HS1BP3: variants seen among roughly 807,000 people sequenced by gnomAD.
HS1BP3 encodes the protein HCLS1-binding protein 3.
HS1BP3 carries 32 observed loss-of-function variants against 33.5 expected under a neutral mutation model. The observed-to-expected ratio is 0.95, with a 90% CI of 0.72 to 1.28. The LOEUF (loss-of-function observed/expected upper bound fraction) is 1.28. Among genes scored for constraint, HS1BP3 ranks in the 50% most tolerant of loss-of-function variants. The pLI is 0.00. For synonymous variants in HS1BP3, 187 were observed against 209.2 expected (o/e 0.89, Z 0.92); for missense variants, 486 against 502.3 (o/e 0.97, Z 0.31).
At chr2:20,584,692 C>T (rs889437550) in intron 5 of HS1BP3, among the ~76,000 whole-genome samples, 1 of 152,166 alleles carries the variant, frequency 6.6e-6, no homozygotes, top group Non-Finnish European at 1.5e-5. Context: ...GACATGGATC[C>T]GATTGCACAT....
At chr2:20,615,392 C>T (rs1365736257), downstream of HS1BP3, among the ~76,000 whole-genome samples, 2 of 152,236 alleles carry the variant, frequency 1.3e-5, no homozygotes, top group Admixed American at 6.5e-5. Flanking sequence ...GCTTCCCCAC[C>T]GGCCCCTCAG....
At chr2:20,571,067 A>G (rs1247162355) in intron 5 of HS1BP3, among the ~76,000 whole-genome samples, 1 of 152,206 alleles carries the variant, frequency 6.6e-6, no homozygotes, top group African/African-American at 2.4e-5. Context: ...GGCTTCTGGG[A>G]CAGGGTCCCC....
At chr2:20,589,066 G>C (rs937780758), downstream of HS1BP3, among the ~76,000 whole-genome samples, 2 of 152,218 alleles carry the variant, frequency 1.3e-5, no homozygotes, top group East Asian at 1.9e-4. Context: ...GCATCAAACT[G>C]TCTCTCCTTT....
chr2:20,595,703 GAGA>G (rs1414789774), intron 3 of HS1BP3, among the ~76,000 whole-genome samples: 1 of 152,200 alleles, frequency 6.6e-6, no homozygotes, highest in Non-Finnish European at 1.5e-5. Flanking sequence ...AAATGCAAAT[GAGA>G]CCACAGACAA....
intron 5 of HS1BP3, among the ~76,000 whole-genome samples, chr2:20,585,166 C>A (rs1174390517): frequency 6.6e-6 from 1 of 152,212 alleles, no homozygotes; most frequent in East Asian, 1.9e-4. Context: ...CTGTCCAGAG[C>A]TCTCTGTTGA....
At chr2:20,585,187 G>A (rs113791831) in intron 5 of HS1BP3, among the ~76,000 whole-genome samples, 1 of 152,296 alleles carries the variant, frequency 6.6e-6, no homozygotes, top group African/African-American at 2.4e-5. Flanking sequence ...CAAGTCGATG[G>A]TTCTCCTCTA....
downstream of HS1BP3, among the ~76,000 whole-genome samples, chr2:20,591,803 A>G (rs894541333): frequency 6.6e-6 from 1 of 152,110 alleles, no homozygotes; most frequent in African/African-American, 2.4e-5. Flanking sequence ...GCCTCAAGCA[A>G]TCTGCCCACC....
chr2:20,555,862 A>G (rs1692829129), downstream of HS1BP3, among the ~76,000 whole-genome samples: 1 of 152,082 alleles, frequency 6.6e-6, no homozygotes, highest in East Asian at 1.9e-4. Context: ...AGAAAATGGA[A>G]TCCCAATTCT....
intron 4 of HS1BP3, chr2:20,635,963 G>A (rs569943390): frequency 2.1e-4 from 32 of 152,338 alleles, no homozygotes; most frequent in African/African-American, 7.2e-4. Flanking sequence ...CCCTGCCGTG[G>A]AGCAGCCCTT....
rs1483299838 is a variant in HS1BP3 at position 20,611,417 on chromosome 2, G to A, written c.178+12479C>T. Among the ~76,000 whole-genome samples the A allele has an allele frequency of 6.6e-6, 1 of 152,180 alleles. No individual in the cohort carries two copies. The highest frequency in any genetic ancestry group is 2.4e-5 in the African/African-American group (1 of 41,438). On this transcript the variant is annotated intron_variant, in intron 2 of 3. Transcript: ENST00000415264. The surrounding 1 kb of genome is among the most constrained non-coding windows in gnomAD (Gnocchi z 4.9). ...ATACAGGCCAGCCTGACCATGGGCC[G>A]CTGGGACTGCCAGAAACCTCTCTCC... is the stretch of plus-strand genomic sequence containing the variant.
chr2:20,571,945 C>T (rs1254306875), intron 5 of HS1BP3, among the ~76,000 whole-genome samples: 1 of 152,260 alleles, frequency 6.6e-6, no homozygotes, highest in Non-Finnish European at 1.5e-5. Context: ...ATTCCCCCTT[C>T]TCTCAGATCC....
chr2:20,624,978 T>C, intron 4 of HS1BP3, 86 bp from the exon 5 acceptor site: 2 of 1,485,402 alleles, frequency 1.3e-6, no homozygotes, highest in Non-Finnish European at 1.9e-6. Flanking sequence ...CGCTGGGCCC[T>C]GCAGTGGAGG....
At chr2:20,574,188 G>T (rs950747646) in intron 5 of HS1BP3, among the ~76,000 whole-genome samples, 2 of 152,172 alleles carry the variant, frequency 1.3e-5, no homozygotes, top group South Asian at 2.1e-4. Flanking sequence ...GGAAGCGCTG[G>T]AACAGACAGC....
In HS1BP3 at chr2:20,623,963, C is replaced by T. The variant is rs760305534; in HGVS notation, c.853G>A (p.Ala285Thr). The change falls in exon 6 of 7, where the codon GCC becomes ACC. Residue 285 changes from alanine to threonine, a missense_variant. Coordinates refer to ENST00000304031, the MANE Select transcript of HS1BP3 (RefSeq NM_022460.4). The stretch of plus-strand genomic sequence containing the variant: ...GTGGGCCCTCCACTCTCACAGGCGG[C>T]TGGCAGCAGGAGGGAGTCACCCAGG... ...IPLGDSLLLPAACESGGPTPS... is the reference protein window; with the variant it reads ...IPLGDSLLLPTACESGGPTPS... 55 of 1,612,466 alleles carry T rather than the reference C, an allele frequency of 3.4e-5. No homozygotes were observed. In the East Asian group the frequency reaches 1.2e-3, roughly 35 times the overall value.
downstream of HS1BP3, among the ~76,000 whole-genome samples, chr2:20,617,136 A>T (rs1188011928): frequency 2.6e-5 from 4 of 152,100 alleles, no homozygotes; most frequent in Non-Finnish European, 5.9e-5. Context: ...GGAGGCAGGG[A>T]GCCAGCATCA....
At chr2:20,620,380 C>T (rs1694559100) in intron 6 of HS1BP3, among the ~76,000 whole-genome samples, 1 of 152,240 alleles carries the variant, frequency 6.6e-6, no homozygotes. Flanking sequence ...GGCTGGGGCA[C>T]CTAGACTCCA....
chr2:20,574,917 C>T (rs543082117), intron 5 of HS1BP3, among the ~76,000 whole-genome samples: 1 of 152,196 alleles, frequency 6.6e-6, no homozygotes, highest in Admixed American at 6.5e-5. Context: ...ATCAGGGGTC[C>T]TCTTGGAGCC....
intron 5 of HS1BP3, among the ~76,000 whole-genome samples, chr2:20,568,929 G>T (rs747980599): frequency 6.6e-6 from 1 of 152,194 alleles, no homozygotes; most frequent in Non-Finnish European, 1.5e-5. Context: ...GGCCGTCTTG[G>T]TCACTCCAAA....
rs749637149 is a variant in HS1BP3 at position 20,645,447 on chromosome 2, G to A, written c.91C>T (p.Arg31Trp). 20 of 1,613,906 alleles carry A rather than the reference G, an allele frequency of 1.2e-5. No homozygotes were observed. Among genetic ancestry groups the A allele is most frequent in the African/African-American group, 5.3e-5 (4 of 74,934 alleles). ...DLTVPQHQEV[R>W]GKMMSGHVEY... The stretch of plus-strand genomic sequence containing the variant: ...ACGTGTCCAGACATCATCTTGCCCC[G>A]TACCTCCTGGTGCTGGGGCACAGTC... The change falls in exon 2 of 7, where the codon CGG (arginine) becomes TGG (tryptophan). Residue 31 changes from arginine to tryptophan, a missense_variant. Coordinates refer to ENST00000304031, the MANE Select transcript of HS1BP3 (RefSeq NM_022460.4).
Sources: gnomAD v4.1 joint callset for allele counts (sites outside exome capture counted in the v4.1 genomes callset) on GRCh38, gnomAD v4.1.1 for gene constraint, Gnocchi (gnomAD v3.1) non-coding constraint, MANE v1.5 for transcripts, NCBI Gene and HGNC (gene_info 2026-07-23, HGNC 2026-07-21) for gene names.